The following ATP11C variants were observed in gnomAD, a reference collection of about 807,000 sequenced individuals.
ATP11C encodes phospholipid-transporting ATPase IG.
A neutral mutation model predicts 97.4 loss-of-function variants in ATP11C; 36 were observed. The ratio of observed to expected loss-of-function variants is 0.37; its 90% confidence interval spans 0.28 to 0.49. The LOEUF is 0.49. ATP11C is among the 20% of genes least tolerant of loss of function. The probability of loss-of-function intolerance (pLI) is 0.98; values close to 1 mark genes in which losing one functional copy is unlikely to be tolerated. For synonymous variants in ATP11C, 275 were observed against 290.9 expected (o/e 0.95, Z 0.56); for missense variants, 730 against 824.6 (o/e 0.89, Z 1.40).
chrX:139,839,593 T>C (rs2083797976), intron 1 of ATP11C, among the ~76,000 whole-genome samples: 1 of 111,076 alleles, frequency 9.0e-6, no homozygotes, highest in Non-Finnish European at 1.9e-5. Flanking sequence ...ATTCATCAAA[T>C]GCTCATACAA....
At chrX:139,929,762 TC>T (rs1464654773) in intron 1 of ATP11C, among the ~76,000 whole-genome samples, 1 of 111,789 alleles carries the variant, frequency 8.9e-6, no homozygotes, top group East Asian at 2.8e-4. Context: ...GTCTCAAAGT[TC>T]CACTCAAATC....
intron 2 of ATP11C, among the ~76,000 whole-genome samples, chrX:139,826,321 CAA>C: frequency 9.1e-6 from 1 of 109,644 alleles, no homozygotes; most frequent in Non-Finnish European, 1.9e-5. Flanking sequence ...CAGCATTCTC[CAA>C]AAGAATGCAA....
At chrX:139,903,636 T>G (rs956739030) in intron 1 of ATP11C, among the ~76,000 whole-genome samples, 11 of 109,391 alleles carry the variant, frequency 1.0e-4, no homozygotes, top group Admixed American at 1.0e-3. Flanking sequence ...TAAAAAAAAT[T>G]TTTTTAAGGC....
In ATP11C at chrX:139,819,327, G is replaced by A. The variant is rs1244217893; in HGVS notation, c.237+11C>T. The A allele has an allele frequency of 5.4e-6, 5 of 918,867 alleles. No homozygotes were observed. The highest frequency in any genetic ancestry group is 7.4e-6 in the Non-Finnish European group (5 of 679,963). The allele number at this position is 918,867 out of a possible 1,213,427, so 75.7% of individuals were successfully genotyped here. On this transcript the variant is annotated intron_variant, in intron 3 of 29. Coordinates refer to ENST00000682941, the MANE Select transcript of ATP11C (RefSeq NM_001353812.2). ...TTCTAAAAGTTAAGTGGCTGTTTAAGGAGCTCTTACCTGTACAAGGAAGAT... is the reference window on the plus strand; with the variant it reads ...TTCTAAAAGTTAAGTGGCTGTTTAAAGAGCTCTTACCTGTACAAGGAAGAT...
chrX:139,827,012 A>C (rs1315481106), intron 1 of ATP11C, among the ~76,000 whole-genome samples, 189 bp from the exon 2 acceptor site: 1 of 112,185 alleles, frequency 8.9e-6, no homozygotes, highest in African/African-American at 3.2e-5. Context: ...AAGATTAGTA[A>C]AAGTGCTGTT....
At chrX:139,846,081 G>A (rs1380783721) in intron 1 of ATP11C, among the ~76,000 whole-genome samples, 1 of 111,819 alleles carries the variant, frequency 8.9e-6, no homozygotes, top group Non-Finnish European at 1.9e-5. Flanking sequence ...AAGAAAAGTT[G>A]CAATAAAGGG....
At chrX:139,819,981 T>G (rs764855543) in intron 2 of ATP11C, among the ~76,000 whole-genome samples, 1 of 111,461 alleles carries the variant, frequency 9.0e-6, no homozygotes, top group Non-Finnish European at 1.9e-5. Context: ...AAGTCAGGAG[T>G]TTGAGACCAG....
intron 1 of ATP11C, among the ~76,000 whole-genome samples, chrX:139,896,620 TC>T (rs1465122094): frequency 2.4e-5 from 1 of 42,103 alleles, no homozygotes; most frequent in African/African-American, 2.5e-4. Context: ...TGAGAAAGAG[TC>T]TCTCTCTCTC....
chrX:139,903,742 C>T (rs1457017726), intron 1 of ATP11C, among the ~76,000 whole-genome samples: 2 of 110,938 alleles, frequency 1.8e-5, no homozygotes, highest in Non-Finnish European at 3.8e-5. Context: ...CTGCCAGAGC[C>T]TTCATCTTGG....
At chrX:139,820,172 C>T (rs992455682) in intron 2 of ATP11C, among the ~76,000 whole-genome samples, 9 of 103,410 alleles carry the variant, frequency 8.7e-5, no homozygotes, top group Admixed American at 8.5e-4. Context: ...GACAACAGAG[C>T]GAGAATGAGA....
intron 3 of ATP11C, among the ~76,000 whole-genome samples, chrX:139,819,050 G>A (rs1339800407): frequency 1.8e-5 from 2 of 111,417 alleles, no homozygotes; most frequent in Non-Finnish European, 3.8e-5. Context: ...TTCATTTAAT[G>A]GTACACAATA....
chrX:139,856,817 T>C (rs1039827830), intron 1 of ATP11C, among the ~76,000 whole-genome samples: 4 of 112,289 alleles, frequency 3.6e-5, no homozygotes, highest in South Asian at 7.4e-4. Flanking sequence ...GTTAAAGGAA[T>C]AGCTGAACAA....
chrX:139,812,621 C>T (rs1359882814), intron 5 of ATP11C, among the ~76,000 whole-genome samples: 5 of 107,999 alleles, frequency 4.6e-5, no homozygotes, highest in Non-Finnish European at 9.6e-5. Context: ...CTCGGATCAC[C>T]GCAGCCTCAA....
At chrX:139,899,118 A>T (rs1051070563) in intron 1 of ATP11C, among the ~76,000 whole-genome samples, 16 of 111,730 alleles carry the variant, frequency 1.4e-4, no homozygotes, top group African/African-American at 4.9e-4. Flanking sequence ...AATTGTCAAC[A>T]TCACCAAAAT....
intron 1 of ATP11C, among the ~76,000 whole-genome samples, chrX:139,827,291 T>C (rs905809794): frequency 6.2e-5 from 7 of 112,076 alleles, no homozygotes; most frequent in Admixed American, 9.4e-5. Flanking sequence ...AAAATAATTG[T>C]GTATAAGTGT....
In ATP11C at chrX:139,803,860, G is replaced by A. The variant is rs776394379; in HGVS notation, c.555+611C>T. On this transcript the variant is annotated intron_variant, in intron 6 of 29. Transcript: ENST00000682941. ...ATTACAGGCGCCCACCACTATGCCC[G>A]GCTAATTTTTTTGTATTTTTAGTAG... is the stretch of plus-strand genomic sequence containing the variant. Among the ~76,000 whole-genome samples the A allele has an allele frequency of 1.0e-4, 11 of 106,240 alleles. No individual in the cohort carries two copies. The South Asian group carries it at 2.2e-3, about 21-fold the overall frequency. The allele number at this position is 106,240 out of a possible 115,157, so 92.3% of individuals were successfully genotyped here. A position where few individuals can be genotyped will look rare whatever the true frequency, so the allele number is the denominator to read the frequency against.
chrX:139,860,234 A>G (rs376476251), intron 1 of ATP11C, among the ~76,000 whole-genome samples: 2 of 111,645 alleles, frequency 1.8e-5, no homozygotes, highest in African/African-American at 6.5e-5. Context: ...CTATGTTGCT[A>G]TAGGTAGAGA....
At chrX:139,853,832 T>TC (rs1346078870) in intron 1 of ATP11C, among the ~76,000 whole-genome samples, 2 of 11,524 alleles carry the variant, frequency 1.7e-4, no homozygotes, top group South Asian at 3.6e-3. Flanking sequence ...CTATCCTAAG[T>TC]CAAAAAAAAA....
Position 139,783,191 on chromosome X carries a change from A to T in ATP11C, c.1743T>A (p.Thr581=), listed in dbSNP as rs912584728. The T allele has an allele frequency of 1.7e-6, 2 of 1,207,150 alleles. No homozygotes were observed. Among genetic ancestry groups the T allele is most frequent in the Non-Finnish European group, 2.2e-6 (2 of 891,907 alleles). ...TTGCATTACGTTCCACATGGACTTT[A>T]GTTAACTCAATTTCATGATTTTGCA... The part of the protein sequence containing the change: ...PRVQNHEIEL[T]KVHVERNAMD... Residue 581 remains threonine (T), a synonymous_variant, in exon 17 of 30, where the codon ACT becomes ACA. Coordinates refer to ENST00000682941, the MANE Select transcript of ATP11C (RefSeq NM_001353812.2).
Sources: allele counts gnomAD v4.1 joint callset (sites outside exome capture counted in the v4.1 genomes callset), GRCh38; gene constraint gnomAD v4.1.1; transcripts MANE v1.5; gene names NCBI Gene and HGNC (gene_info 2026-07-23, HGNC 2026-07-21).